The following MTNR1A variants were observed in gnomAD, a reference collection of about 807,000 sequenced individuals.
MTNR1A encodes the protein melatonin receptor type 1A.
A neutral mutation model predicts 5.5 loss-of-function variants in MTNR1A; 7 were observed. The ratio of observed to expected loss-of-function variants is 1.28; its 90% confidence interval spans 0.73 to 2.40. MTNR1A has a LOEUF of 2.40. Among genes scored for constraint, MTNR1A ranks in the 30% most tolerant of loss-of-function variants. MTNR1A has a pLI of 0.00. For synonymous variants in MTNR1A, 196 were observed against 202.7 expected, an observed-to-expected ratio of 0.97 and a Z score of 0.28; for missense variants, 441 against 464.4, an observed-to-expected ratio of 0.95 and a Z score of 0.46.
intron 1 of MTNR1A, among the ~76,000 whole-genome samples, chr4:186,541,618 C>T (rs1309854022): frequency 2.6e-5 from 4 of 152,170 alleles, no homozygotes; most frequent in African/African-American, 7.2e-5. Context: ...CAAGCATTAC[C>T]GCCTAAGCTC....
At chr4:186,548,849 A>ATATAAT (rs1737212213) in intron 1 of MTNR1A, among the ~76,000 whole-genome samples, 1 of 40,088 alleles carries the variant, frequency 2.5e-5, no homozygotes, top group Non-Finnish European at 4.8e-5. Flanking sequence ...ATATATATAC[A>ATATAAT]CTATATATGT....
chr4:186,548,267 A>G (rs1403259775), intron 1 of MTNR1A, among the ~76,000 whole-genome samples: 1 of 152,222 alleles, frequency 6.6e-6, no homozygotes, highest in Non-Finnish European at 1.5e-5. Context: ...AGAGAGTTTT[A>G]TTAAAAATGG....
At chr4:186,536,740 A>G (rs1411322190) in intron 1 of MTNR1A, among the ~76,000 whole-genome samples, 1 of 152,256 alleles carries the variant, frequency 6.6e-6, no homozygotes, top group Non-Finnish European at 1.5e-5. Flanking sequence ...TTGTCATAAA[A>G]GCAAATACTT....
intron 1 of MTNR1A, among the ~76,000 whole-genome samples, chr4:186,539,356 C>T (rs1244636557): frequency 6.6e-6 from 1 of 152,128 alleles, no homozygotes; most frequent in Non-Finnish European, 1.5e-5. Flanking sequence ...CAACCCATTT[C>T]CTGAGTGACT....
chr4:186,535,010 TC>T (rs1736813522), intron 1 of MTNR1A, among the ~76,000 whole-genome samples: 2 of 152,128 alleles, frequency 1.3e-5, no homozygotes, highest in South Asian at 4.1e-4. Context: ...TTCTTGCTGA[TC>T]CCATAGAGAG....
chr4:186,548,757 AT>A (rs1737205545), intron 1 of MTNR1A, among the ~76,000 whole-genome samples: 1 of 147,882 alleles, frequency 6.8e-6, no homozygotes, highest in South Asian at 2.1e-4. Flanking sequence ...CCCAAAAAAA[AT>A]GACCTATAAT....
chr4:186,540,929 A>T (rs1279394222), intron 1 of MTNR1A, among the ~76,000 whole-genome samples: 1 of 152,012 alleles, frequency 6.6e-6, no homozygotes, highest in Non-Finnish European at 1.5e-5. Flanking sequence ...GACCCACCAA[A>T]TCACCAAATC....
intron 1 of MTNR1A, among the ~76,000 whole-genome samples, chr4:186,547,234 G>A (rs1258016267): frequency 1.2e-5 from 1 of 82,078 alleles, no homozygotes; most frequent in African/African-American, 4.9e-5. Context: ...CCCTGTTCAT[G>A]GGACACACCG....
intron 1 of MTNR1A, among the ~76,000 whole-genome samples, chr4:186,540,147 A>G (rs1360587175): frequency 6.6e-6 from 1 of 152,130 alleles, no homozygotes; most frequent in Non-Finnish European, 1.5e-5. Flanking sequence ...CTTATTCACT[A>G]TCTCGAGAAC....
chr4:186,544,962 G>A (rs1737110174), intron 1 of MTNR1A, among the ~76,000 whole-genome samples: 1 of 152,100 alleles, frequency 6.6e-6, no homozygotes, highest in African/African-American at 2.4e-5. Flanking sequence ...CTCAAGTAAT[G>A]GCAACTCCAC....
intron 1 of MTNR1A, 142 bp from the exon 2 acceptor site, chr4:186,534,699 C>A (rs1274378488): frequency 4.2e-5 from 37 of 887,084 alleles, no homozygotes; most frequent in Non-Finnish European, 5.8e-5. Context: ...AAGTGGAGGC[C>A]GTTTCCCAGG....
chr4:186,550,552 T>C (rs1374526964), intron 1 of MTNR1A, among the ~76,000 whole-genome samples: 3 of 152,188 alleles, frequency 2.0e-5, no homozygotes, highest in Non-Finnish European at 4.4e-5. Context: ...TTCCAAGGCA[T>C]GATAGTTTTC....
chr4:186,545,063 C>T (rs560647971), intron 1 of MTNR1A, among the ~76,000 whole-genome samples: 25 of 152,296 alleles, frequency 1.6e-4, no homozygotes, highest in African/African-American at 5.1e-4. Flanking sequence ...TTCCCCTGCC[C>T]TGATCTGCTC....
At chr4:186,538,179 C>T (rs1285133717) in intron 1 of MTNR1A, among the ~76,000 whole-genome samples, 1 of 152,176 alleles carries the variant, frequency 6.6e-6, no homozygotes, top group East Asian at 1.9e-4. Context: ...TCCCACAGCC[C>T]CAGCTATCAC....
chr4:186,539,027 G>T (rs1470837589), intron 1 of MTNR1A, among the ~76,000 whole-genome samples: 1 of 151,962 alleles, frequency 6.6e-6, no homozygotes, highest in East Asian at 1.9e-4. Flanking sequence ...GACCATCCTG[G>T]CCAACATGGT....
At chr4:186,540,328 C>T (rs1736982552) in intron 1 of MTNR1A, among the ~76,000 whole-genome samples, 1 of 152,208 alleles carries the variant, frequency 6.6e-6, no homozygotes, top group Non-Finnish European at 1.5e-5. Context: ...CCCTCTATGT[C>T]TTTGAGTTCC....
Position 186,533,818 on chromosome 4 carries a change from T to C in MTNR1A, c.924A>G (p.Arg308=), listed in dbSNP as rs8192550. 64,708 of 1,614,016 alleles carry C rather than the reference T, an allele frequency of 0.04. 1,612 individuals carry two copies. The highest frequency in any genetic ancestry group is 0.07 in the East Asian group (3,129 of 44,880). ...LNQNFRKEYR[R]IIVSLCTARV... is the part of the protein sequence containing the mutation. ...TGGCTGTACAGAGCGAGACTATAATTCTCCTGTATTCCTTCCTGAAATTTT... is the reference window on the plus strand; with the variant it reads ...TGGCTGTACAGAGCGAGACTATAATCCTCCTGTATTCCTTCCTGAAATTTT... The change falls in exon 2 of 2, where the codon AGA becomes AGG. Residue 308 remains arginine (R), a synonymous_variant. Coordinates refer to ENST00000307161, the MANE Select transcript of MTNR1A (RefSeq NM_005958.4).
chr4:186,541,672 T>C (rs536418935), intron 1 of MTNR1A, among the ~76,000 whole-genome samples: 1 of 152,054 alleles, frequency 6.6e-6, no homozygotes, highest in East Asian at 1.9e-4. Context: ...CTCATAGGAG[T>C]GCAAACCCTA....
intron 1 of MTNR1A, among the ~76,000 whole-genome samples, chr4:186,539,538 T>A (rs1736959379): frequency 1.3e-5 from 2 of 152,182 alleles, no homozygotes; most frequent in Admixed American, 6.5e-5. Context: ...TAGGAAGCCA[T>A]TAAATCATGA....
Sources: allele counts gnomAD v4.1 joint callset (sites outside exome capture counted in the v4.1 genomes callset), GRCh38; gene constraint gnomAD v4.1.1; transcripts MANE v1.5; gene names NCBI Gene and HGNC (gene_info 2026-07-23, HGNC 2026-07-21).